PLAC8: variants seen among roughly 807,000 people sequenced by gnomAD.
PLAC8 encodes the protein placenta associated 8.
In PLAC8, 6 loss-of-function variants were observed where a neutral mutation model predicts 12.6. The ratio of observed to expected loss-of-function variants is 0.48; its 90% CI spans 0.26 to 0.94. The LOEUF is 0.94. PLAC8 is among the 40% of genes least tolerant of loss of function. PLAC8 has a pLI of 0.14. For missense variants in PLAC8, 122 were observed against 152.7 expected (o/e 0.80, Z 1.06); for synonymous variants, 54 against 52.6 (o/e 1.03, Z -0.11).
At chr4:83,114,330 AT>A (rs1249947320) in intron 1 of PLAC8, among the ~76,000 whole-genome samples, 2 of 152,236 alleles carry the variant, frequency 1.3e-5, no homozygotes, top group Non-Finnish European at 2.9e-5. Context: ...ACATGCATAC[AT>A]ATTGAAATAA....
At chr4:83,108,700 T>G (rs1732322917) in intron 1 of PLAC8, among the ~76,000 whole-genome samples, 1 of 152,104 alleles carries the variant, frequency 6.6e-6, no homozygotes, top group Non-Finnish European at 1.5e-5. Context: ...TGTACTGTTT[T>G]TAGACAGGTA....
intron 3 of PLAC8, among the ~76,000 whole-genome samples, chr4:83,100,949 A>G (rs1732083313): frequency 6.6e-6 from 1 of 152,124 alleles, no homozygotes; most frequent in Admixed American, 6.5e-5. Context: ...AAGCAAAACA[A>G]CCTTATTGCT....
chr4:83,100,152 G>T (rs1410998835), intron 3 of PLAC8, among the ~76,000 whole-genome samples: 3 of 151,396 alleles, frequency 2.0e-5, no homozygotes, highest in Non-Finnish European at 4.4e-5. Flanking sequence ...GTGGTGGCGG[G>T]CTCCTGTAGT....
Position 83,090,298 on chromosome 4 carries a change from G to A in PLAC8, c.*683C>T, listed in dbSNP as rs1045201958. The A allele has an allele frequency of 6.6e-6, 1 of 151,750 alleles. No homozygotes were observed. The highest frequency in any genetic ancestry group is 2.4e-5 in the African/African-American group (1 of 41,308). The allele number at this position is 151,750 out of a possible 1,614,324, so 9.4% of individuals were successfully genotyped here. A position where few individuals can be genotyped will look rare whatever the true frequency, so the allele number is the denominator to read the frequency against. ...TAATCCCAGCATTTTGTGATGCCGAGGCAGGTGGATCACGAGGTCAGGAGT... is the reference window on the plus strand; with the variant it reads ...TAATCCCAGCATTTTGTGATGCCGAAGCAGGTGGATCACGAGGTCAGGAGT... On this transcript the variant is annotated 3_prime_UTR_variant, in exon 5 of 5. Transcript: ENST00000311507.
At chr4:83,110,136 T>C (rs145009866) in intron 1 of PLAC8, among the ~76,000 whole-genome samples, 2,965 of 152,196 alleles carry the variant, frequency 0.019, 98 homozygotes, top group African/African-American at 0.067. Context: ...GCTCTGTCGC[T>C]CCGGGCGCCC....
At chr4:83,106,193 G>T (rs1245920139) in intron 2 of PLAC8, among the ~76,000 whole-genome samples, 2 of 151,746 alleles carry the variant, frequency 1.3e-5, no homozygotes, top group Admixed American at 6.6e-5. Flanking sequence ...TAGAGATGGG[G>T]TTTCACCATC....
intron 3 of PLAC8, among the ~76,000 whole-genome samples, chr4:83,097,646 C>T (rs1377449311): frequency 6.6e-6 from 1 of 152,088 alleles, no homozygotes; most frequent in Admixed American, 6.6e-5. Context: ...GTCCTAGGCT[C>T]CACCCCTAAT....
chr4:83,101,136 T>C (rs971713295), intron 3 of PLAC8, among the ~76,000 whole-genome samples: 1 of 152,036 alleles, frequency 6.6e-6, no homozygotes, highest in African/African-American at 2.4e-5. Context: ...TCCCAGCACT[T>C]TGGGAGGCCG....
chr4:83,098,735 GT>G (rs36075658), intron 3 of PLAC8, among the ~76,000 whole-genome samples: 54,910 of 150,216 alleles, frequency 0.37, 10,542 homozygotes, highest in East Asian at 0.56. Context: ...CAGAATAAAG[GT>G]TTTTTTTTTT....
intron 3 of PLAC8, among the ~76,000 whole-genome samples, chr4:83,098,222 T>A (rs912606850): frequency 6.6e-6 from 1 of 152,124 alleles, no homozygotes; most frequent in African/African-American, 2.4e-5. Flanking sequence ...TTAAGCAAAG[T>A]GAAAAGGGTT....
At chr4:83,096,738 A>G (rs1310010254) in intron 3 of PLAC8, among the ~76,000 whole-genome samples, 3 of 152,236 alleles carry the variant, frequency 2.0e-5, no homozygotes, top group Non-Finnish European at 2.9e-5. Flanking sequence ...ATACTATCCT[A>G]TAACTTATTT....
chr4:83,112,173 C>CAA (rs1166374435), intron 1 of PLAC8, among the ~76,000 whole-genome samples: 4 of 110,432 alleles, frequency 3.6e-5, no homozygotes, highest in South Asian at 2.6e-4. Context: ...GACTCCGTCT[C>CAA]AAAAAAAAAA....
At chr4:83,111,394 C>T (rs767164144) in intron 1 of PLAC8, among the ~76,000 whole-genome samples, 1 of 151,788 alleles carries the variant, frequency 6.6e-6, no homozygotes, top group African/African-American at 2.4e-5. Flanking sequence ...AGGCCAGGCA[C>T]GGTGGCTAAC....
Position 83,112,186 on chromosome 4 carries a change from ATTTATATAT to A in PLAC8, c.-30+2471_-30+2479del, listed in dbSNP as rs1227937393. On this transcript the variant is annotated intron_variant, in intron 1 of 4. Coordinates refer to ENST00000311507, the MANE Select transcript of PLAC8 (RefSeq NM_016619.3). ...GAGACTCCGTCTCAAAAAAAAAAAA[ATTTATATAT>A]ATATATATGTATATATATATATGTA... Among the ~76,000 whole-genome samples, 28 of 106,646 alleles carry A rather than the reference ATTTATATAT, an allele frequency of 2.6e-4. 1 individual carries two copies. Among genetic ancestry groups the A allele is most frequent in the African/African-American group, 1.0e-3 (28 of 27,412 alleles). 70.0% of individuals were successfully genotyped at this position (106,646 alleles called of 152,430 possible).
chr4:83,090,086 G>A lies in PLAC8; in HGVS notation c.*895C>T, dbSNP rs543278870. The A allele has an allele frequency of 6.6e-6, 1 of 151,378 alleles. No homozygotes were observed. Among genetic ancestry groups the A allele is most frequent in the East Asian group, 1.9e-4 (1 of 5,134 alleles). The allele number at this position is 151,378 out of a possible 1,614,324, so 9.4% of individuals were successfully genotyped here. On this transcript the variant is annotated 3_prime_UTR_variant, in exon 5 of 5. Transcript: ENST00000311507. ...TCATCTAAAGTTCTTAGATGAAAGA[G>A]AGCTGGGTTACTGTGAACCAAAATC...
chr4:83,094,941 C>T, intron 3 of PLAC8, 150 bp from the exon 4 acceptor site: 1 of 486,994 alleles, frequency 2.1e-6, no homozygotes, highest in Non-Finnish European at 3.7e-6. Flanking sequence ...CACTTTTTCA[C>T]ATAAATGTTG....
chr4:83,107,371 C>T (rs11934937), intron 2 of PLAC8, among the ~76,000 whole-genome samples: 56,350 of 151,648 alleles, frequency 0.37, 10,757 homozygotes, highest in Middle Eastern at 0.45. Context: ...ATGAATCTAA[C>T]CCTTGGGTAC....
At chr4:83,111,359 A>G (rs1732419046) in intron 1 of PLAC8, among the ~76,000 whole-genome samples, 2 of 152,088 alleles carry the variant, frequency 1.3e-5, no homozygotes, top group African/African-American at 4.8e-5. Context: ...CAGTGACTAG[A>G]AAAAAAATTT....
intron 2 of PLAC8, among the ~76,000 whole-genome samples, chr4:83,106,403 A>C (rs1732241268): frequency 6.6e-6 from 1 of 151,922 alleles, no homozygotes; most frequent in African/African-American, 2.4e-5. Flanking sequence ...AGATCACTTG[A>C]TGTCAGGAGT....
Sources: allele counts gnomAD v4.1 joint callset (sites outside exome capture counted in the v4.1 genomes callset), GRCh38; gene constraint gnomAD v4.1.1; transcripts MANE v1.5; gene names NCBI Gene and HGNC (gene_info 2026-07-23, HGNC 2026-07-21).